Variants in CADPS observed in about 807,000 individuals in gnomAD.
CADPS encodes the protein calcium dependent secretion activator.
In CADPS, 57 loss-of-function variants were observed where a neutral mutation model predicts 167.3. That is an observed-to-expected ratio of 0.34 (90% CI 0.28 to 0.42). The LOEUF is 0.42. Ranked by LOEUF, CADPS falls within the 20% of genes least tolerant of loss-of-function variation. CADPS has a pLI of 1.00. For synonymous variants in CADPS, 676 were observed against 635.3 expected (o/e 1.06, Z -0.96); for missense variants, 1,414 against 1,738.1 (o/e 0.81, Z 3.32).
At chr3:62,518,113 T>C in intron 14 of CADPS, 36 bp downstream of exon 14, 1 of 1,421,320 alleles carries the variant, frequency 7.0e-7, no homozygotes, top group Non-Finnish European at 9.9e-7. Flanking sequence ...CCCACTCTCA[T>C]CTCCTAATTA....
At chr3:62,793,284 G>A (rs1041176991) in intron 1 of CADPS, among the ~76,000 whole-genome samples, 6 of 151,990 alleles carry the variant, frequency 3.9e-5, no homozygotes, top group South Asian at 2.1e-4. Flanking sequence ...TTTAAAATAT[G>A]GTCCTTTTGG....
At chr3:62,569,943 T>C (rs2080983419) in intron 9 of CADPS, among the ~76,000 whole-genome samples, 1 of 152,116 alleles carries the variant, frequency 6.6e-6, no homozygotes, top group South Asian at 2.1e-4. Flanking sequence ...CAAGGACAGG[T>C]ATTACTATTT....
chr3:62,609,931 T>C (rs1225747966), intron 6 of CADPS, among the ~76,000 whole-genome samples: 1 of 151,778 alleles, frequency 6.6e-6, no homozygotes, highest in African/African-American at 2.4e-5. Flanking sequence ...CTACAAAAAA[T>C]ACTAAAAATT....
rs1168924691 is a variant in CADPS, at chr3:62,544,403, A to T, written c.1966+5500T>A. 1.3e-5 allele frequency among the ~76,000 whole-genome samples: 2 copies of T among 151,916 alleles called. No individual in the cohort carries two copies. Among genetic ancestry groups the T allele is most frequent in the Non-Finnish European group, 2.9e-5 (2 of 67,998 alleles). On this transcript the variant is annotated intron_variant, in intron 11 of 29. Transcript: ENST00000383710. This position sits in a 1 kb window ranked among gnomAD's most constrained non-coding sequence, Gnocchi z 4.4. ...ACACCACTGGTACTCTGACCATTCGAATCTTTGGAATGGGAAAGGAAAAAC... is the reference window on the plus strand; with the variant it reads ...ACACCACTGGTACTCTGACCATTCGTATCTTTGGAATGGGAAAGGAAAAAC...
intron 7 of CADPS, among the ~76,000 whole-genome samples, chr3:62,589,062 T>C (rs1442054788): frequency 1.7e-5 from 2 of 118,334 alleles, no homozygotes; most frequent in African/African-American, 5.5e-5. Context: ...GTTTTCACAA[T>C]GTGCATGAAT....
At chr3:62,802,978 T>C (rs935983564) in intron 1 of CADPS, among the ~76,000 whole-genome samples, 2 of 152,180 alleles carry the variant, frequency 1.3e-5, no homozygotes, top group African/African-American at 2.4e-5. Flanking sequence ...AGTCACCTAG[T>C]AGTGCTGAGT....
chr3:62,831,687 T>C (rs1490764641), intron 1 of CADPS, among the ~76,000 whole-genome samples: 2 of 152,114 alleles, frequency 1.3e-5, no homozygotes, highest in Non-Finnish European at 2.9e-5. Context: ...CCTAAAACTA[T>C]AGTAGGAAGT....
At chr3:62,617,371 G>A (rs535376290) in intron 6 of CADPS, among the ~76,000 whole-genome samples, 60 of 152,272 alleles carry the variant, frequency 3.9e-4, no homozygotes, top group African/African-American at 1.4e-3. Flanking sequence ...GATGAACAGA[G>A]TAAGTATATT....
At chr3:62,872,123 CCTCT>C (rs976017486) in intron 1 of CADPS, among the ~76,000 whole-genome samples, 1 of 90,122 alleles carries the variant, frequency 1.1e-5, no homozygotes, top group African/African-American at 5.3e-5. Flanking sequence ...CTACATTTTT[CCTCT>C]TTTTCTAGTT....
At chr3:62,700,061 C>G (rs1006296597) in intron 3 of CADPS, among the ~76,000 whole-genome samples, 1 of 152,084 alleles carries the variant, frequency 6.6e-6, no homozygotes, top group African/African-American at 2.4e-5. Flanking sequence ...TCTATGGGTC[C>G]TCTATCTCTA....
intron 3 of CADPS, among the ~76,000 whole-genome samples, chr3:62,727,795 A>G (rs554306192): frequency 6.6e-6 from 1 of 152,006 alleles, no homozygotes; most frequent in Non-Finnish European, 1.5e-5. Context: ...GGATAAAGGA[A>G]ATGGAAATTC....
rs2083247445 is a variant in CADPS at position 62,874,338 on chromosome 3, G to A, written c.441+251C>T. Among the ~76,000 whole-genome samples, 1 of 152,126 alleles carries A rather than the reference G, an allele frequency of 6.6e-6. No individual in the cohort carries two copies. On this transcript the variant is annotated intron_variant, in intron 1 of 29. Coordinates refer to ENST00000383710, the MANE Select transcript of CADPS (RefSeq NM_003716.4). This position sits in a 1 kb window ranked among gnomAD's most constrained non-coding sequence, Gnocchi z 7.1. ...GCTCACCAACGCTCCCGGGCTGGGG[G>A]GGCTCGAGCAAGCGGCGCTGCGCTC...
At position 62,874,748 on chromosome 3, in the gene CADPS, C is replaced by A. The variant is rs1320120541; in HGVS notation, c.282G>T (p.Pro94=). ...CCTTCTCCTTCTCGCTCACCACCGACGGGCTGGGGCTGGAGGGCCGGCCGC... is the reference window on the plus strand; with the variant it reads ...CCTTCTCCTTCTCGCTCACCACCGAAGGGCTGGGGCTGGAGGGCCGGCCGC... The part of the protein sequence containing the change: ...AGGGRPSSPS[P]SVVSEKEKEE... The change falls in exon 1 of 30, where the codon CCG becomes CCT. Residue 94 remains proline, a synonymous_variant. Transcript: ENST00000383710. This position sits in a 1 kb window ranked among gnomAD's most constrained non-coding sequence, Gnocchi z 7.1. 5 of 1,503,668 alleles carry A rather than the reference C, an allele frequency of 3.3e-6. No homozygotes were observed. In the Middle Eastern group the frequency reaches 5.3e-4, roughly 159 times the overall value. 93.1% of individuals were successfully genotyped at this position (1,503,668 alleles called of 1,614,324 possible). A position where few individuals can be genotyped will look rare whatever the true frequency, so the allele number is the denominator to read the frequency against.
rs577205892 is a variant in CADPS, at chr3:62,446,114, A to T, written c.3637-317T>A. Among the ~76,000 whole-genome samples the T allele has an allele frequency of 6.6e-6, 1 of 152,216 alleles. No homozygotes were observed. Among genetic ancestry groups the T allele is most frequent in the Non-Finnish European group, 1.5e-5 (1 of 68,020 alleles). The stretch of plus-strand genomic sequence containing the variant: ...ACCCACATGGATTAGTCCGGGGCTT[A>T]CCAGTCTAGAGAAGCAACTAAGATT... On this transcript the variant is annotated intron_variant, in intron 26 of 29. Transcript: ENST00000383710. This position sits in a 1 kb window ranked among gnomAD's most constrained non-coding sequence, Gnocchi z 4.9.
chr3:62,408,111 A>C (rs1351806736), intron 28 of CADPS, among the ~76,000 whole-genome samples: 1 of 152,200 alleles, frequency 6.6e-6, no homozygotes, highest in Non-Finnish European at 1.5e-5. Context: ...TAGATCATTA[A>C]TATGCAGATA....
chr3:62,407,140 A>C (rs1444556906), intron 28 of CADPS, among the ~76,000 whole-genome samples: 1 of 151,878 alleles, frequency 6.6e-6, no homozygotes, highest in Non-Finnish European at 1.5e-5. Flanking sequence ...AATCAACATC[A>C]TCATCATCAT....
At chr3:62,532,824 G>A in intron 13 of CADPS, 47 bp downstream of exon 13, 1 of 1,573,108 alleles carries the variant, frequency 6.4e-7, no homozygotes, top group Admixed American at 1.7e-5. Flanking sequence ...ACCATTGCCA[G>A]TGCCATTTCT....
intron 6 of CADPS, among the ~76,000 whole-genome samples, chr3:62,595,095 A>G (rs927263532): frequency 2.0e-5 from 3 of 152,126 alleles, no homozygotes; most frequent in African/African-American, 7.2e-5. Flanking sequence ...AATAAATCCT[A>G]TTAACTCAAA....
intron 3 of CADPS, among the ~76,000 whole-genome samples, chr3:62,731,970 AGAAG>A (rs1056225181): frequency 9.2e-5 from 14 of 152,036 alleles, no homozygotes; most frequent in African/African-American, 3.4e-4. Context: ...ATAACAGATG[AGAAG>A]GATGTAGGGG....
Sources: gnomAD v4.1 joint callset for allele counts (sites outside exome capture counted in the v4.1 genomes callset) on GRCh38, gnomAD v4.1.1 for gene constraint, Gnocchi (gnomAD v3.1) non-coding constraint, MANE v1.5 for transcripts, NCBI Gene and HGNC (gene_info 2026-07-23, HGNC 2026-07-21) for gene names.